Variants in CTIF observed in about 807,000 individuals in gnomAD.
CTIF encodes CBP80/20-dependent translation initiation factor.
In CTIF, 21 loss-of-function variants were observed where a neutral mutation model predicts 66.0. The observed-to-expected ratio is 0.32, with a 90% CI of 0.23 to 0.46. The LOEUF (loss-of-function observed/expected upper bound fraction) is 0.46. Ranked by LOEUF, CTIF falls within the 20% of genes least tolerant of loss-of-function variation. CTIF has a pLI of 1.00. For missense variants in CTIF, 739 were observed against 812.7 expected (o/e 0.91, Z 1.10); for synonymous variants, 345 against 326.4 (o/e 1.06, Z -0.62).
chr18:48,723,828 C>T (rs2092362890), intron 7 of CTIF, among the ~76,000 whole-genome samples: 1 of 152,178 alleles, frequency 6.6e-6, no homozygotes, highest in South Asian at 2.1e-4. Flanking sequence ...GCCATTTATT[C>T]CAATGCATGT....
In CTIF at chr18:48,600,199, A is replaced by G. The variant is rs576766123; in HGVS notation, c.-28-19339A>G. On this transcript the variant is annotated intron_variant, in intron 1 of 11. Transcript: ENST00000256413. The stretch of plus-strand genomic sequence containing the variant: ...ATGCGCCCCATCATTGCTTGCTTCT[A>G]GGGAGCTCCCAGGGTGGGGAGCTGG... Among the ~76,000 whole-genome samples, 10 of 152,126 alleles carry G rather than the reference A, an allele frequency of 6.6e-5. No homozygotes were observed. In the East Asian group the frequency reaches 1.7e-3, roughly 27 times the overall value.
At chr18:48,788,817 G>A (rs946962289) in intron 9 of CTIF, among the ~76,000 whole-genome samples, 1 of 152,170 alleles carries the variant, frequency 6.6e-6, no homozygotes, top group African/African-American at 2.4e-5. Flanking sequence ...TACAGGGTGG[G>A]TGTGAACTCA....
Position 48,735,564 on chromosome 18 carries a change from CTG to C in CTIF, c.585-22354_585-22353del, listed in dbSNP as rs2092493708. 2.0e-5 allele frequency among the ~76,000 whole-genome samples: 3 copies of C among 152,178 alleles called. No individual in the cohort carries two copies. The South Asian group carries it at 6.2e-4, about 32-fold the overall frequency. Reference sequence around the variant, plus strand: ...TGCTTGAGAGAAGGAGACTGGAAGACTGGAAGCTAAAAGGGGAAAGAGGGAAG... The same window carrying C: ...TGCTTGAGAGAAGGAGACTGGAAGACGAAGCTAAAAGGGGAAAGAGGGAAG... On this transcript the variant is annotated intron_variant, in intron 7 of 11. Transcript: ENST00000256413.
chr18:48,583,078 G>T (rs2089694721), intron 1 of CTIF, among the ~76,000 whole-genome samples: 1 of 152,190 alleles, frequency 6.6e-6, no homozygotes, highest in Admixed American at 6.5e-5. Context: ...GATGATGGGG[G>T]AGTGCCCAGA....
At chr18:48,632,553 C>T (rs747700712) in intron 2 of CTIF, among the ~76,000 whole-genome samples, 27 of 152,188 alleles carry the variant, frequency 1.8e-4, no homozygotes, top group Non-Finnish European at 3.8e-4. Context: ...TCCTTCCCCA[C>T]TTCCCCCCTG....
chr18:48,611,005 AG>A (rs1258331861), intron 1 of CTIF, among the ~76,000 whole-genome samples: 11 of 152,216 alleles, frequency 7.2e-5, no homozygotes, highest in African/African-American at 2.4e-4. Flanking sequence ...AAGGGAAGGA[AG>A]GTGACTCTCA....
At chr18:48,659,873 G>C (rs1404884140) in intron 3 of CTIF, among the ~76,000 whole-genome samples, 1 of 152,232 alleles carries the variant, frequency 6.6e-6, no homozygotes, top group African/African-American at 2.4e-5. Context: ...GAATGGCAGG[G>C]ATATCGCTGG....
intron 10 of CTIF, among the ~76,000 whole-genome samples, chr18:48,832,189 T>A (rs59234397): frequency 0.048 from 7,159 of 150,170 alleles, 428 homozygotes; most frequent in East Asian, 0.31. Flanking sequence ...TTTTTTTTTT[T>A]AAGACAGGGT....
chr18:48,856,383 CAT>C lies in CTIF; in HGVS notation c.1528-1204_1528-1203del, dbSNP rs1197604094. ...CAAAAAGCTGAACATAGAGTTACCA[CAT>C]GACCCAGAAATTCTAATCCTATGTA... On this transcript the variant is annotated intron_variant, in intron 10 of 11. Coordinates refer to ENST00000256413, the MANE Select transcript of CTIF (RefSeq NM_014772.3). Among the ~76,000 whole-genome samples, 4 of 152,196 alleles carry C rather than the reference CAT, an allele frequency of 2.6e-5. No homozygotes were observed. The East Asian group carries it at 7.7e-4, about 29-fold the overall frequency.
At chr18:48,729,311 A>G (rs937118792) in intron 7 of CTIF, among the ~76,000 whole-genome samples, 2 of 152,120 alleles carry the variant, frequency 1.3e-5, no homozygotes, top group Non-Finnish European at 2.9e-5. Context: ...ACACTCACAC[A>G]TGTAATTATT....
chr18:48,858,877 T>A (rs1347804973), intron 11 of CTIF, among the ~76,000 whole-genome samples: 2 of 152,222 alleles, frequency 1.3e-5, no homozygotes. Flanking sequence ...GCATCACCCC[T>A]GCTCTCAAGT....
chr18:48,848,984 C>G (rs923070213), intron 10 of CTIF, among the ~76,000 whole-genome samples: 6 of 152,194 alleles, frequency 3.9e-5, no homozygotes, highest in Non-Finnish European at 8.8e-5. Flanking sequence ...TTCGAGGGCA[C>G]GGGAGGCTTG....
chr18:48,743,876 G>T (rs1343093854), intron 7 of CTIF, among the ~76,000 whole-genome samples: 1 of 152,188 alleles, frequency 6.6e-6, no homozygotes, highest in Non-Finnish European at 1.5e-5. Flanking sequence ...TTCAGCTGTG[G>T]CAGCCCTCTA....
At chr18:48,810,599 T>C (rs1476369775) in intron 9 of CTIF, among the ~76,000 whole-genome samples, 2 of 152,056 alleles carry the variant, frequency 1.3e-5, no homozygotes, top group Admixed American at 1.3e-4. Context: ...TTTAATCTTA[T>C]TAACTATATT....
At chr18:48,847,171 G>A (rs1568266298) in intron 10 of CTIF, among the ~76,000 whole-genome samples, 1 of 152,012 alleles carries the variant, frequency 6.6e-6, no homozygotes, top group Non-Finnish European at 1.5e-5. Context: ...AGCTGGTCGT[G>A]GTGGTGCGTG....
At chr18:48,663,621 A>C in intron 3 of CTIF, 131 bp from the exon 4 acceptor site, 1 of 782,540 alleles carries the variant, frequency 1.3e-6, no homozygotes, top group Admixed American at 2.0e-5. Flanking sequence ...CCTGACTCTG[A>C]CTGGGTGCAC....
chr18:48,543,463 T>G (rs1333659981), intron 1 of CTIF, among the ~76,000 whole-genome samples: 1 of 152,150 alleles, frequency 6.6e-6, no homozygotes, highest in Non-Finnish European at 1.5e-5. Context: ...TGCCCCTGCC[T>G]CCCGCTGTGT....
chr18:48,568,136 A>T (rs552753349), intron 1 of CTIF: 1 of 152,258 alleles, frequency 6.6e-6, no homozygotes, highest in South Asian at 2.1e-4. Flanking sequence ...GGAAAAAAAA[A>T]AGTAAAGTGT....
chr18:48,827,020 A>G (rs2068595519), intron 10 of CTIF, among the ~76,000 whole-genome samples: 2 of 152,244 alleles, frequency 1.3e-5, no homozygotes, highest in South Asian at 4.1e-4. Flanking sequence ...GCCTCCAGGA[A>G]GGAGCCTTTG....
Sources: gnomAD v4.1 joint callset for allele counts (sites outside exome capture counted in the v4.1 genomes callset) on GRCh38, gnomAD v4.1.1 for gene constraint, MANE v1.5 for transcripts, NCBI Gene and HGNC (gene_info 2026-07-23, HGNC 2026-07-21) for gene names.